Variants in STARD13 observed in about 807,000 individuals in gnomAD.
STARD13 encodes the protein stAR-related lipid transfer protein 13.
A neutral mutation model predicts 106.4 loss-of-function variants in STARD13; 62 were observed. The observed-to-expected ratio is 0.58, with a 90% CI of 0.48 to 0.72. The LOEUF is 0.72. Ranked by LOEUF, STARD13 falls within the 30% of genes least tolerant of loss-of-function variation. The probability of loss-of-function intolerance (pLI) is 0.00; values close to 1 mark genes in which losing one functional copy is unlikely to be tolerated. For missense variants in STARD13, 1,387 were observed against 1,424.0 expected (o/e 0.97, Z 0.42); for synonymous variants, 565 against 553.0 (o/e 1.02, Z -0.31).
At chr13:33,117,993 A>G in intron 8 of STARD13, 72 bp downstream of exon 8, 2 of 1,600,152 alleles carry the variant, frequency 1.2e-6, no homozygotes, top group East Asian at 2.2e-5. Context: ...TTAAAACTCA[A>G]TCTATAGGGA....
At chr13:33,404,636 T>G in the STARD13 span, among the ~76,000 whole-genome samples, 1 of 152,140 alleles carries the variant, frequency 6.6e-6, no homozygotes, top group Admixed American at 6.5e-5. Context: ...CATGTGGGCA[T>G]TGAATTAGAA....
At chr13:33,662,005 G>C in the STARD13 span, among the ~76,000 whole-genome samples, 1 of 152,052 alleles carries the variant, frequency 6.6e-6, no homozygotes. Flanking sequence ...GCTCATGCCT[G>C]TAATCCCAGC....
chr13:33,676,619 C>G, the STARD13 span: 1 of 152,180 alleles, frequency 6.6e-6, no homozygotes, highest in African/African-American at 2.4e-5. Context: ...TTTTAAGGAG[C>G]GTCCTCAAAT....
At chr13:33,198,043 A>G (rs949586410) in intron 1 of STARD13, among the ~76,000 whole-genome samples, 7 of 139,366 alleles carry the variant, frequency 5.0e-5, no homozygotes, top group Middle Eastern at 3.5e-3. Flanking sequence ...GGTGGCACAC[A>G]CCTGTAGTCC....
chr13:33,350,237 G>C, intron 1 of STARD13: 5 of 1,486,994 alleles, frequency 3.4e-6, no homozygotes, highest in African/African-American at 1.4e-5. Flanking sequence ...GGCGGGCTAC[G>C]GGGCCGGCGC....
chr13:33,128,479 A>G (rs529436918), intron 5 of STARD13, among the ~76,000 whole-genome samples: 27 of 152,266 alleles, frequency 1.8e-4, no homozygotes, highest in African/African-American at 6.5e-4. Flanking sequence ...TAAAGCAAAA[A>G]CAAACTTGCA....
At chr13:33,472,374 A>T in the STARD13 span, among the ~76,000 whole-genome samples, 2 of 152,140 alleles carry the variant, frequency 1.3e-5, no homozygotes, top group African/African-American at 2.4e-5. Flanking sequence ...CATAAAAGAA[A>T]TACATATACT....
chr13:33,357,490 A>C, the STARD13 span, among the ~76,000 whole-genome samples: 1 of 152,256 alleles, frequency 6.6e-6, no homozygotes, highest in Non-Finnish European at 1.5e-5. Flanking sequence ...CTAGTTTAGC[A>C]CTACCCAGGA....
exon 2 of STARD13, chr13:33,349,082 AG>A: frequency 1.4e-6 from 1 of 700,586 alleles, no homozygotes; most frequent in Admixed American, 2.0e-5. Context: ...TAAGGAAAAA[AG>A]GGAGGAGTTC....
At chr13:33,455,408 T>C in the STARD13 span, among the ~76,000 whole-genome samples, 1 of 152,182 alleles carries the variant, frequency 6.6e-6, no homozygotes, top group Non-Finnish European at 1.5e-5. Flanking sequence ...GACAGGCTGA[T>C]GCCCCATATT....
At chr13:33,107,233 G>A (rs1475547964) in intron 12 of STARD13, among the ~76,000 whole-genome samples, 1 of 152,128 alleles carries the variant, frequency 6.6e-6, no homozygotes, top group Non-Finnish European at 1.5e-5. Flanking sequence ...TTCTCGAAGA[G>A]GTGGTTTTAC....
rs59689538 is a variant in STARD13 at position 33,183,877 on chromosome 13, C to A, written c.170-16255G>T. 3.0e-3 allele frequency among the ~76,000 whole-genome samples: 464 copies of A among 152,288 alleles called. 2 individuals are homozygous for A. Among genetic ancestry groups the A allele is most frequent in the African/African-American group, 0.01 (433 of 41,566 alleles). On this transcript the variant is annotated intron_variant, in intron 1 of 13. Coordinates refer to ENST00000336934, the MANE Select transcript of STARD13 (RefSeq NM_178006.4). ...CACACCTCCAAGGGAATCATCCAGC[C>A]AGTCCAAGAAGGCATTCCTGGGGAA... is the stretch of plus-strand genomic sequence containing the variant.
intron 1 of STARD13, among the ~76,000 whole-genome samples, chr13:33,168,299 G>A (rs148033847): frequency 1.3e-3 from 191 of 152,244 alleles, no homozygotes; most frequent in African/African-American, 4.5e-3. Flanking sequence ...AGTTTGATGA[G>A]CCTGCCAGAA....
intron 1 of STARD13, among the ~76,000 whole-genome samples, chr13:33,195,976 A>T (rs1033250587): frequency 6.6e-6 from 1 of 152,212 alleles, no homozygotes; most frequent in Non-Finnish European, 1.5e-5. Context: ...TTAAGAAGGG[A>T]GGTAATAGAC....
chr13:33,384,259 C>G, the STARD13 span, among the ~76,000 whole-genome samples: 1 of 152,282 alleles, frequency 6.6e-6, no homozygotes, highest in Non-Finnish European at 1.5e-5. Flanking sequence ...AGCTTTAACC[C>G]TGCTGTTTAT....
the STARD13 span, among the ~76,000 whole-genome samples, chr13:33,541,415 T>C: frequency 6.6e-6 from 1 of 152,218 alleles, no homozygotes; most frequent in South Asian, 2.1e-4. Context: ...TCTTGCCCTA[T>C]TTCTGACCAA....
At chr13:33,513,696 C>A in the STARD13 span, among the ~76,000 whole-genome samples, 1 of 152,056 alleles carries the variant, frequency 6.6e-6, no homozygotes, top group African/African-American at 2.4e-5. Flanking sequence ...CATGCTATGC[C>A]ATTATGTATT....
the STARD13 span, among the ~76,000 whole-genome samples, chr13:33,672,219 C>T: frequency 6.6e-6 from 1 of 152,210 alleles, no homozygotes; most frequent in Admixed American, 6.5e-5. Context: ...TTTGCAGGGA[C>T]ATGGATGTGG....
At chr13:33,583,275 C>T in the STARD13 span, among the ~76,000 whole-genome samples, 2 of 152,132 alleles carry the variant, frequency 1.3e-5, no homozygotes, top group Non-Finnish European at 2.9e-5. Flanking sequence ...TAGAAACAAA[C>T]CCTATTAGTG....
Sources: allele counts gnomAD v4.1 joint callset (sites outside exome capture counted in the v4.1 genomes callset), GRCh38; gene constraint gnomAD v4.1.1; transcripts MANE v1.5; gene names NCBI Gene and HGNC (gene_info 2026-07-23, HGNC 2026-07-21).